The following SCN1A variants were observed in gnomAD, a reference collection of about 807,000 sequenced individuals.
SCN1A encodes sodium channel protein type 1 subunit alpha.
A neutral mutation model predicts 193.7 loss-of-function variants in SCN1A; 13 were observed. The observed-to-expected ratio is 0.07, with a 90% CI of 0.04 to 0.11. The LOEUF (loss-of-function observed/expected upper bound fraction) is 0.11. Among genes scored for constraint, SCN1A ranks in the 10% least tolerant of loss-of-function variants. The pLI is 1.00. For synonymous variants in SCN1A, 781 were observed against 843.6 expected (o/e 0.93, Z 1.29); for missense variants, 1,432 against 2,451.1 (o/e 0.58, Z 8.78).
chr2:166,107,899 T>G (rs1016027787), intron 2 of SCN1A, among the ~76,000 whole-genome samples: 4 of 152,100 alleles, frequency 2.6e-5, no homozygotes, highest in African/African-American at 9.7e-5. Flanking sequence ...GGTAATAATT[T>G]CTTGGCTGCA....
chr2:166,000,040 G>T (rs1690619818), intron 24 of SCN1A: 1 of 488,724 alleles, frequency 2.0e-6, no homozygotes. Flanking sequence ...AGAGTTCATG[G>T]TGTCATGATA....
At chr2:166,015,796 A>C in intron 19 of SCN1A, 69 bp from the exon 20 acceptor site, 1 of 1,552,362 alleles carries the variant, frequency 6.4e-7, no homozygotes, top group Non-Finnish European at 8.9e-7. Flanking sequence ...CCAAGAAAGG[A>C]TTATTACTAT....
intron 19 of SCN1A, among the ~76,000 whole-genome samples, chr2:166,024,484 TTTTTG>T (rs1392906172): frequency 6.6e-6 from 1 of 152,152 alleles, no homozygotes; most frequent in African/African-American, 2.4e-5. Context: ...TTTACCTGGG[TTTTTG>T]TTTTGTTTTC....
intron 2 of SCN1A, among the ~76,000 whole-genome samples, chr2:166,114,303 T>G (rs1689617515): frequency 6.6e-6 from 1 of 152,142 alleles, no homozygotes; most frequent in Admixed American, 6.5e-5. Flanking sequence ...CTGAGAGTAT[T>G]AAAGAACTAG....
intron 23 of SCN1A, among the ~76,000 whole-genome samples, chr2:166,008,216 G>C (rs1484026375): frequency 6.6e-6 from 1 of 151,056 alleles, no homozygotes; most frequent in African/African-American, 2.4e-5. Flanking sequence ...AAAGTATACC[G>C]ATAAGATCAG....
At chr2:166,053,728 C>T (rs1217939907) in intron 7 of SCN1A, among the ~76,000 whole-genome samples, 6 of 151,894 alleles carry the variant, frequency 4.0e-5, no homozygotes, top group Non-Finnish European at 8.8e-5. Context: ...TGCCACCTCT[C>T]CTGCTCCTAT....
At chr2:166,123,704 A>G (rs1467128069) in intron 2 of SCN1A, 1 of 152,130 alleles carries the variant, frequency 6.6e-6, no homozygotes, top group Non-Finnish European at 1.5e-5. Flanking sequence ...AAAATGACTG[A>G]TTTATGTTTT....
chr2:166,144,704 A>AC (rs1472867325), intron 1 of SCN1A, among the ~76,000 whole-genome samples: 7 of 152,164 alleles, frequency 4.6e-5, no homozygotes, highest in Non-Finnish European at 1.0e-4. Context: ...TTCAAACTAC[A>AC]TGAACTATTG....
At chr2:166,122,359 C>T (rs1011017075) in intron 2 of SCN1A, among the ~76,000 whole-genome samples, 2 of 152,104 alleles carry the variant, frequency 1.3e-5, no homozygotes, top group Non-Finnish European at 2.9e-5. Flanking sequence ...CTCATTATCT[C>T]CTTAAATTTT....
intron 4 of SCN1A, among the ~76,000 whole-genome samples, chr2:166,063,827 AT>A (rs1286100304): frequency 1.3e-4 from 20 of 152,048 alleles, no homozygotes; most frequent in Non-Finnish European, 1.5e-4. Flanking sequence ...AGATATGTAT[AT>A]TTTTATACTA....
chr2:166,044,779 A>G (rs1179664730), intron 13 of SCN1A, among the ~76,000 whole-genome samples: 2 of 152,188 alleles, frequency 1.3e-5, no homozygotes, highest in African/African-American at 2.4e-5. Context: ...TTAGTTATAG[A>G]CAAATATCAG....
At chr2:166,017,495 C>A (rs1461867048) in intron 19 of SCN1A, among the ~76,000 whole-genome samples, 1 of 151,992 alleles carries the variant, frequency 6.6e-6, no homozygotes, top group African/African-American at 2.4e-5. Flanking sequence ...TACACAGATT[C>A]ATCATTTGGC....
chr2:166,010,387 T>A (rs1692266109), intron 22 of SCN1A, among the ~76,000 whole-genome samples: 1 of 151,238 alleles, frequency 6.6e-6, no homozygotes, highest in Non-Finnish European at 1.5e-5. Context: ...TGTTTATTTT[T>A]ACATAAGTAA....
At chr2:166,025,605 A>G (rs182802387) in intron 19 of SCN1A, among the ~76,000 whole-genome samples, 4 of 152,160 alleles carry the variant, frequency 2.6e-5, no homozygotes, top group African/African-American at 9.7e-5. Context: ...TGGAGTGGGG[A>G]TTATACAAGG....
intron 19 of SCN1A, among the ~76,000 whole-genome samples, chr2:166,029,342 G>T (rs980625820): frequency 2.1e-4 from 32 of 152,128 alleles, no homozygotes; most frequent in Non-Finnish European, 2.8e-4. Flanking sequence ...AAAACTGGAA[G>T]ATGATGGAGG....
At chr2:166,064,087 C>A (rs1683590068) in intron 4 of SCN1A, among the ~76,000 whole-genome samples, 1 of 152,058 alleles carries the variant, frequency 6.6e-6, no homozygotes, top group South Asian at 2.1e-4. Flanking sequence ...GTTTAATAAT[C>A]TGGGAAGCAA....
chr2:166,075,470 T>G (rs953391341), intron 3 of SCN1A: 2 of 152,078 alleles, frequency 1.3e-5, no homozygotes, highest in Non-Finnish European at 2.9e-5. Context: ...AAAATGTATA[T>G]TAGAGTTCAT....
In SCN1A at chr2:165,996,020, C is replaced by A; in HGVS notation, c.4574G>T (p.Arg1525Leu). The A allele has an allele frequency of 6.3e-7, 1 of 1,596,176 alleles. No individual in the cohort carries two copies. The highest frequency in any genetic ancestry group is 1.1e-5 in the South Asian group (1 of 90,548). Residue 1525 changes from arginine (R) to leucine (L), a missense_variant, in exon 27 of 29, where the codon CGA (arginine) becomes CTA (leucine). Physicochemically the swap from Arg to Leu is moderately radical, Grantham distance 102 (BLOSUM62 -2). Coordinates refer to ENST00000674923, the MANE Select transcript of SCN1A (RefSeq NM_001165963.4). ...TCATTTGATACTTCTTACTCCTGGT[C>A]GAGGTATAGGCTTTTGCGGTTTTTT... ...GSKKPQKPIP[R>L]PGNKFQGMVF...
rs140682465 is a variant in SCN1A at position 166,088,491 on chromosome 2, T to C, written c.-141-10690A>G. On this transcript the variant is annotated intron_variant, in intron 2 of 28. Transcript: ENST00000674923. ...ATATCAATATGTTTTCTAACATTTC[T>C]TAAGTGCTGAGAAAATTTTCCTTTT... 2.7e-3 allele frequency among the ~76,000 whole-genome samples: 417 copies of C among 152,302 alleles called. 1 individual carries two copies. The highest frequency in any genetic ancestry group is 9.0e-3 in the African/African-American group (373 of 41,570).
Sources: gnomAD v4.1 joint callset for allele counts (sites outside exome capture counted in the v4.1 genomes callset) on GRCh38, gnomAD v4.1.1 for gene constraint, MANE v1.5 for transcripts, NCBI Gene and HGNC (gene_info 2026-07-23, HGNC 2026-07-21) for gene names.